Variants in SNX7 observed in about 807,000 individuals in gnomAD.
The protein encoded by SNX7 is sorting nexin-7.
SNX7 carries 35 observed loss-of-function variants against 48.4 expected under a neutral mutation model. The observed-to-expected ratio is 0.72, with a 90% CI of 0.55 to 0.96. The LOEUF is 0.96. Ranked by LOEUF, SNX7 falls within the 40% of genes least tolerant of loss-of-function variation. The pLI, the probability that SNX7 is intolerant of heterozygous loss-of-function variation, is 0.00. For synonymous variants in SNX7, 190 were observed against 190.2 expected (o/e 1.00, Z 0.01); for missense variants, 553 against 548.9 (o/e 1.01, Z -0.07).
intron 8 of SNX7, among the ~76,000 whole-genome samples, chr1:98,739,035 C>T (rs1438533909): frequency 2.0e-5 from 3 of 151,966 alleles, no homozygotes; most frequent in Non-Finnish European, 4.4e-5. Context: ...CTTTTTCGTA[C>T]CAGGGACAGG....
In SNX7 at chr1:98,661,738, G is replaced by A. The variant is rs192729509; in HGVS notation, c.7G>A (p.Gly3Ser). ...CTGGGCGCGCACTCTCGGGATGGAGGGCGAGCGCCGGGCATCGCAGGCGCC... is the reference window on the plus strand; with the variant it reads ...CTGGGCGCGCACTCTCGGGATGGAGAGCGAGCGCCGGGCATCGCAGGCGCC... ME[G>S]ERRASQAPSS... Residue 3 changes from glycine (G) to serine (S), a missense_variant, in exon 1 of 9, where the codon GGC becomes AGC. Physicochemically the swap from Gly to Ser is moderately conservative, Grantham distance 56. Transcript: ENST00000306121. The A allele has an allele frequency of 4.0e-5, 49 of 1,229,356 alleles. No individual in the cohort carries two copies. The highest frequency in any genetic ancestry group is 4.9e-5 in the Non-Finnish European group (48 of 981,940). The allele number at this position is 1,229,356 out of a possible 1,614,324, so 76.2% of individuals were successfully genotyped here.
chr1:98,692,669 C>T (rs1206530553), intron 4 of SNX7, among the ~76,000 whole-genome samples: 1 of 152,052 alleles, frequency 6.6e-6, no homozygotes, highest in Admixed American at 6.6e-5. Context: ...CAGATATTCA[C>T]AACACTGGAG....
At chr1:98,709,502 C>A (rs1287502457) in intron 7 of SNX7, among the ~76,000 whole-genome samples, 1 of 152,092 alleles carries the variant, frequency 6.6e-6, no homozygotes, top group Non-Finnish European at 1.5e-5. Context: ...TCAACTCACT[C>A]GATGTTGTAC....
chr1:98,757,891 A>G (rs1318674829), intron 8 of SNX7, among the ~76,000 whole-genome samples: 2 of 152,074 alleles, frequency 1.3e-5, no homozygotes, highest in African/African-American at 4.8e-5. Flanking sequence ...TATGGGATCT[A>G]CCTTTTGCTC....
chr1:98,695,705 A>C lies in SNX7; in HGVS notation c.827A>C (p.Lys276Thr), dbSNP rs141684535. The change falls in exon 5 of 9, where the codon AAG becomes ACG. Residue 276 changes from lysine (K) to threonine (T), a missense_variant. Lys to Thr is a moderately conservative substitution (Grantham distance 78). Transcript: ENST00000306121. ...LIDKISQRIYKEEREYFDEMK... is the reference protein window; with the variant it reads ...LIDKISQRIYTEEREYFDEMK... ...GATAAAATATCTCAGAGAATTTATA[A>C]GGAAGAAAGGGGTAAGTAGAATTAC... is the stretch of plus-strand genomic sequence containing the variant. 6.4e-7 allele frequency: 1 copy of C among 1,551,358 alleles called. No individual in the cohort carries two copies. The highest frequency in any genetic ancestry group is 8.9e-7 in the Non-Finnish European group (1 of 1,123,252).
At chr1:98,721,931 TAGAA>T (rs1652895343) in intron 7 of SNX7, among the ~76,000 whole-genome samples, 1 of 152,106 alleles carries the variant, frequency 6.6e-6, no homozygotes, top group Non-Finnish European at 1.5e-5. Context: ...TAGAAGCACC[TAGAA>T]AGAAGTGAAT....
chr1:98,758,606 A>T lies in SNX7; in HGVS notation c.1279-1448A>T, dbSNP rs370947815. Among the ~76,000 whole-genome samples, 60 of 152,188 alleles carry T rather than the reference A, an allele frequency of 3.9e-4. No individual in the cohort carries two copies. The Middle Eastern group carries it at 0.01, about 26-fold the overall frequency. On this transcript the variant is annotated intron_variant, in intron 8 of 8. Transcript: ENST00000306121. ...ATTTAAAGCAAAAAGTATCCCTTAAAGTCTTGATAAACTTGATTATTCTAA... is the reference window on the plus strand; with the variant it reads ...ATTTAAAGCAAAAAGTATCCCTTAATGTCTTGATAAACTTGATTATTCTAA...
intron 7 of SNX7, among the ~76,000 whole-genome samples, chr1:98,715,512 AT>A (rs1176669912): frequency 1.3e-5 from 2 of 152,202 alleles, no homozygotes; most frequent in Non-Finnish European, 2.9e-5. Context: ...GAGACTGATG[AT>A]CCCATGCCTT....
chr1:98,667,430 C>T (rs1464416809), intron 1 of SNX7, among the ~76,000 whole-genome samples: 1 of 152,114 alleles, frequency 6.6e-6, no homozygotes, highest in African/African-American at 2.4e-5. Flanking sequence ...GGCTAGAGTG[C>T]AGTGGCGTGA....
chr1:98,665,662 C>G (rs1439588605), intron 1 of SNX7, among the ~76,000 whole-genome samples: 2 of 152,158 alleles, frequency 1.3e-5, no homozygotes, highest in Admixed American at 1.3e-4. Flanking sequence ...AATCTTGGCT[C>G]ACTGCAACCT....
chr1:98,680,159 A>G (rs868007687), intron 1 of SNX7, among the ~76,000 whole-genome samples: 11 of 152,158 alleles, frequency 7.2e-5, no homozygotes, highest in African/African-American at 2.4e-4. Flanking sequence ...GTCTGTCCCA[A>G]CACTGTGTGG....
At chr1:98,719,870 TAA>T (rs55772381) in intron 7 of SNX7, among the ~76,000 whole-genome samples, 96,302 of 147,622 alleles carry the variant, frequency 0.65, 31,785 homozygotes, top group African/African-American at 0.72. Context: ...ACTATATATA[TAA>T]AATATATATT....
chr1:98,759,582 A>G (rs928740942), intron 8 of SNX7, among the ~76,000 whole-genome samples: 18 of 152,068 alleles, frequency 1.2e-4, no homozygotes, highest in Non-Finnish European at 2.2e-4. Flanking sequence ...GATTATATAC[A>G]TTTAATTCTC....
chr1:98,729,953 TAAA>T (rs756440356), intron 7 of SNX7, among the ~76,000 whole-genome samples: 3 of 151,704 alleles, frequency 2.0e-5, no homozygotes, highest in Non-Finnish European at 2.9e-5. Flanking sequence ...AGAAATACAA[TAAA>T]AAAAGAAAAC....
At position 98,667,414 on chromosome 1, in the gene SNX7, C is replaced by T. The variant is rs549830839; in HGVS notation, c.180+5503C>T. Among the ~76,000 whole-genome samples, 24 of 152,230 alleles carry T rather than the reference C, an allele frequency of 1.6e-4. No homozygotes were observed. The South Asian group carries it at 4.4e-3, about 28-fold the overall frequency. ...TATTTGAGACAAGGTCTCACTCTGT[C>T]ACCCAGGCTAGAGTGCAGTGGCGTG... On this transcript the variant is annotated intron_variant, in intron 1 of 8. Coordinates refer to ENST00000306121, the MANE Select transcript of SNX7 (RefSeq NM_015976.5).
At chr1:98,692,674 C>T (rs571461835) in intron 4 of SNX7, among the ~76,000 whole-genome samples, 13 of 152,204 alleles carry the variant, frequency 8.5e-5, no homozygotes, top group African/African-American at 3.1e-4. Context: ...ATTCACAACA[C>T]TGGAGCTCAC....
At position 98,723,348 on chromosome 1, in the gene SNX7, G is replaced by GT. The variant is rs767511075; in HGVS notation, c.1126-14889_1126-14888insT. ...AGTATCTCTCAATAAAGTTTTAAAC[G>GT]GTTTTTTTTCCCCAAAAAGGCTGTG... is the stretch of plus-strand genomic sequence containing the variant. On this transcript the variant is annotated intron_variant, in intron 7 of 8. Coordinates refer to ENST00000306121, the MANE Select transcript of SNX7 (RefSeq NM_015976.5). Among the ~76,000 whole-genome samples, 229 of 150,164 alleles carry GT rather than the reference G, an allele frequency of 1.5e-3. 1 individual carries two copies. The Middle Eastern group carries it at 0.027, about 18-fold the overall frequency.
intron 8 of SNX7, among the ~76,000 whole-genome samples, chr1:98,744,858 C>T (rs1238481591): frequency 6.6e-6 from 1 of 151,886 alleles, no homozygotes; most frequent in East Asian, 1.9e-4. Flanking sequence ...CTTACAAAGC[C>T]CCAGTTGAAG....
Position 98,691,154 on chromosome 1 carries a change from T to C in SNX7, c.443T>C (p.Leu148Pro). ...YQDFLWLKGK[L>P]EEAHPTLIIP... ...GATTTCCTTTGGTTGAAGGGAAAACTGGAAGAAGCACACCCCACTCTGATT... is the reference window on the plus strand; with the variant it reads ...GATTTCCTTTGGTTGAAGGGAAAACCGGAAGAAGCACACCCCACTCTGATT... The change falls in exon 3 of 9, where the codon CTG (leucine) becomes CCG (proline). Residue 148 changes from leucine (L) to proline (P), a missense_variant. By Grantham distance (98) the Leu-to-Pro change is moderately conservative. Coordinates refer to ENST00000306121, the MANE Select transcript of SNX7 (RefSeq NM_015976.5). The C allele has an allele frequency of 6.2e-7, 1 of 1,610,792 alleles. No individual in the cohort carries two copies. Among genetic ancestry groups the C allele is most frequent in the South Asian group, 1.1e-5 (1 of 90,774 alleles).
Sources: allele counts gnomAD v4.1 joint callset (sites outside exome capture counted in the v4.1 genomes callset), GRCh38; gene constraint gnomAD v4.1.1; transcripts MANE v1.5; gene names NCBI Gene and HGNC (gene_info 2026-07-23, HGNC 2026-07-21).